Variants in FAM135B observed in about 807,000 individuals in gnomAD.
FAM135B encodes the protein protein FAM135B.
A neutral mutation model predicts 127.7 loss-of-function variants in FAM135B; 43 were observed. The ratio of observed to expected loss-of-function variants is 0.34; its 90% confidence interval spans 0.26 to 0.43. The LOEUF (loss-of-function observed/expected upper bound fraction) is 0.43. Ranked by LOEUF, FAM135B falls within the 20% of genes least tolerant of loss-of-function variation. The probability of loss-of-function intolerance (pLI) is 1.00; values close to 1 mark genes in which losing one functional copy is unlikely to be tolerated. For missense variants in FAM135B, 1,558 were observed against 1,725.6 expected (o/e 0.90, Z 1.72); for synonymous variants, 670 against 665.1 (o/e 1.01, Z -0.11).
chr8:138,462,295 T>A (rs1365928284), intron 1 of FAM135B, among the ~76,000 whole-genome samples: 2 of 152,206 alleles, frequency 1.3e-5, no homozygotes, highest in African/African-American at 4.8e-5. Context: ...GTTCCATTGA[T>A]CTTGGCATTT....
chr8:138,299,912 A>G (rs974229880), intron 3 of FAM135B, among the ~76,000 whole-genome samples: 8 of 152,184 alleles, frequency 5.3e-5, no homozygotes, highest in Non-Finnish European at 8.8e-5. Context: ...TAAAATTGGT[A>G]TATTTTAATA....
At chr8:138,186,357 T>C (rs903976650) in intron 9 of FAM135B, among the ~76,000 whole-genome samples, 3 of 152,080 alleles carry the variant, frequency 2.0e-5, no homozygotes, top group African/African-American at 4.8e-5. Context: ...TTGTATGGAG[T>C]AAAGATTCAT....
At chr8:138,197,908 C>A (rs911504833) in intron 7 of FAM135B, among the ~76,000 whole-genome samples, 3 of 152,186 alleles carry the variant, frequency 2.0e-5, no homozygotes, top group Non-Finnish European at 4.4e-5. Context: ...ATCTGCCACA[C>A]CTTTGTCTTA....
chr8:138,311,287 G>A (rs1386380249), intron 2 of FAM135B, among the ~76,000 whole-genome samples: 1 of 152,180 alleles, frequency 6.6e-6, no homozygotes, highest in Non-Finnish European at 1.5e-5. Context: ...GCACAGTGGA[G>A]AATCCATCTA....
chr8:138,435,909 A>T (rs79685431), intron 1 of FAM135B, among the ~76,000 whole-genome samples: 4,272 of 152,214 alleles, frequency 0.028, 189 homozygotes, highest in African/African-American at 0.096. Flanking sequence ...AAGACTGGGG[A>T]TCTGGATTTA....
chr8:138,259,189 C>T (rs980201597), intron 4 of FAM135B, among the ~76,000 whole-genome samples: 8 of 152,138 alleles, frequency 5.3e-5, no homozygotes, highest in African/African-American at 1.7e-4. Flanking sequence ...CCCATGGTCA[C>T]ATGTGTGTTC....
chr8:138,475,528 C>A (rs13266175), intron 1 of FAM135B, among the ~76,000 whole-genome samples: 76,031 of 151,880 alleles, frequency 0.5, 20,393 homozygotes, highest in East Asian at 0.97. Context: ...TCTTGTCATC[C>A]AACCCAAAAC....
In FAM135B at chr8:138,149,200, G is replaced by A. The variant is rs76076334; in HGVS notation, c.3282-514C>T. Among the ~76,000 whole-genome samples the A allele has an allele frequency of 5.1e-3, 774 of 151,670 alleles. 3 individuals are homozygous for A. Among genetic ancestry groups the A allele is most frequent in the African/African-American group, 0.018 (731 of 41,350 alleles). ...AGAAAACCAAAAACAAAAAAACCCC[G>A]AAGCTTCTATGGGTTTTGGTTCTGC... is the stretch of plus-strand genomic sequence containing the variant. On this transcript the variant is annotated intron_variant, in intron 13 of 19. Coordinates refer to ENST00000395297, the MANE Select transcript of FAM135B (RefSeq NM_015912.4).
At chr8:138,223,435 A>C (rs1286004703) in intron 7 of FAM135B, among the ~76,000 whole-genome samples, 1 of 152,232 alleles carries the variant, frequency 6.6e-6, no homozygotes, top group African/African-American at 2.4e-5. Flanking sequence ...TAAACCAGCC[A>C]GGAGTCAGGC....
chr8:138,199,266 T>C (rs1055166592), intron 7 of FAM135B, among the ~76,000 whole-genome samples: 7 of 152,202 alleles, frequency 4.6e-5, no homozygotes, highest in African/African-American at 1.7e-4. Flanking sequence ...TCATGTGTGA[T>C]GCAGGGTGCT....
At chr8:138,153,760 G>A (rs1277087686) in intron 12 of FAM135B, among the ~76,000 whole-genome samples, 1 of 152,156 alleles carries the variant, frequency 6.6e-6, no homozygotes, top group Non-Finnish European at 1.5e-5. Flanking sequence ...CCATTGCTGA[G>A]GCTTGAGTAG....
chr8:138,388,604 C>T (rs546267405), intron 1 of FAM135B, among the ~76,000 whole-genome samples: 5 of 152,152 alleles, frequency 3.3e-5, no homozygotes, highest in African/African-American at 1.2e-4. Flanking sequence ...CATGGAGGCA[C>T]CTTACATGCA....
intron 3 of FAM135B, among the ~76,000 whole-genome samples, chr8:138,277,431 A>T (rs1264633566): frequency 6.6e-6 from 1 of 152,136 alleles, no homozygotes; most frequent in Non-Finnish European, 1.5e-5. Context: ...CTGGTTTCTG[A>T]TGGGTCACCT....
At chr8:138,331,922 C>T (rs1269182377) in intron 2 of FAM135B, among the ~76,000 whole-genome samples, 2 of 152,078 alleles carry the variant, frequency 1.3e-5, no homozygotes, top group South Asian at 2.1e-4. Flanking sequence ...GTCAAAAGGT[C>T]CCAGAACCAC....
At chr8:138,253,232 G>A (rs527743257) in intron 5 of FAM135B, among the ~76,000 whole-genome samples, 5 of 152,282 alleles carry the variant, frequency 3.3e-5, no homozygotes, top group African/African-American at 9.6e-5. Flanking sequence ...AGAATTTCCC[G>A]ATCAGCAGAA....
Position 138,135,051 on chromosome 8 carries a change from G to C in FAM135B, c.4015+2096C>G, listed in dbSNP as rs559815166. 2.0e-5 allele frequency among the ~76,000 whole-genome samples: 3 copies of C among 152,324 alleles called. No homozygotes were observed. The South Asian group carries it at 6.2e-4, about 32-fold the overall frequency. ...TATTTAAGGCTTTCCAGGACGCGCA[G>C]TGTAACTACTCAACATAATTCTGAA... On this transcript the variant is annotated intron_variant, in intron 19 of 19. Coordinates refer to ENST00000395297, the MANE Select transcript of FAM135B (RefSeq NM_015912.4).
intron 3 of FAM135B, among the ~76,000 whole-genome samples, chr8:138,296,108 T>A (rs1329272004): frequency 6.6e-6 from 1 of 152,268 alleles, no homozygotes; most frequent in Non-Finnish European, 1.5e-5. Flanking sequence ...CTTTTTTCAC[T>A]GTGGACTGAG....
intron 7 of FAM135B, among the ~76,000 whole-genome samples, chr8:138,226,936 A>T (rs1586824579): frequency 6.6e-6 from 1 of 152,172 alleles, no homozygotes; most frequent in East Asian, 1.9e-4. Flanking sequence ...ACCTCAAATG[A>T]TCTGCCTGCT....
chr8:138,331,070 G>A (rs1044645064), intron 2 of FAM135B, among the ~76,000 whole-genome samples: 3 of 152,046 alleles, frequency 2.0e-5, no homozygotes, highest in East Asian at 1.9e-4. Context: ...TTGAACTCCC[G>A]ACTTCAGGTG....
Sources: allele counts gnomAD v4.1 joint callset (sites outside exome capture counted in the v4.1 genomes callset), GRCh38; gene constraint gnomAD v4.1.1; transcripts MANE v1.5; gene names NCBI Gene and HGNC (gene_info 2026-07-23, HGNC 2026-07-21).